Variants in BPTF observed in about 807,000 individuals in gnomAD.
BPTF encodes the protein nucleosome-remodeling factor subunit BPTF.
In BPTF, 18 loss-of-function variants were observed where a neutral mutation model predicts 292.5. The ratio of observed to expected loss-of-function variants is 0.06; its 90% CI spans 0.04 to 0.09. The LOEUF (loss-of-function observed/expected upper bound fraction) is 0.09, where lower values mean the gene tolerates loss of function less well. BPTF is among the 10% of genes least tolerant of loss of function. The probability of loss-of-function intolerance (pLI) is 1.00; values close to 1 mark genes in which losing one functional copy is unlikely to be tolerated. For missense variants in BPTF, 2,726 were observed against 3,498.7 expected, an observed-to-expected ratio of 0.78 and a Z score of 5.57; for synonymous variants, 1,225 against 1,251.9, an observed-to-expected ratio of 0.98 and a Z score of 0.45.
At chr17:67,856,682 A>G (rs1411506391) in intron 2 of BPTF, among the ~76,000 whole-genome samples, 1 of 152,094 alleles carries the variant, frequency 6.6e-6, no homozygotes, top group Non-Finnish European at 1.5e-5. Context: ...AATGGCATGG[A>G]AGGGCCTTTT....
In BPTF at chr17:67,825,607, CCGGGCCCCTCCCGCCCGGCCCCG is replaced by C. The variant is rs2055911408; in HGVS notation, c.-111_-89del. On this transcript the variant is annotated 5_prime_UTR_variant, in exon 1 of 28. Transcript: ENST00000306378. The stretch of plus-strand genomic sequence containing the variant: ...TTCTCCCTCCACCCGCTTCCGTCGG[CCGGGCCCCTCCCGCCCGGCCCCG>C]CGGGCCTCCCCACCCGGCCCCGGCG... 1 of 341,300 alleles carries C rather than the reference CCGGGCCCCTCCCGCCCGGCCCCG, an allele frequency of 2.9e-6. No homozygotes were observed. Among genetic ancestry groups the C allele is most frequent in the Non-Finnish European group, 5.7e-6 (1 of 174,322 alleles). 21.1% of individuals were successfully genotyped at this position (341,300 alleles called of 1,614,324 possible).
chr17:67,973,054 T>TTATATATATATAAATATATATATAA (rs2068960497), intron 26 of BPTF, among the ~76,000 whole-genome samples: 2 of 144,446 alleles, frequency 1.4e-5, no homozygotes, highest in African/African-American at 2.5e-5. Context: ...TATATATATT[T>TTATATATATATAAATATATATATAA]TATATATATA....
chr17:67,872,175 A>T (rs934224585), intron 3 of BPTF, among the ~76,000 whole-genome samples: 1 of 152,034 alleles, frequency 6.6e-6, no homozygotes, highest in African/African-American at 2.4e-5. Flanking sequence ...AGTTTTTTGA[A>T]CCTAAAACTT....
At chr17:67,844,626 C>T (rs1280908734) in intron 1 of BPTF, among the ~76,000 whole-genome samples, 3 of 150,496 alleles carry the variant, frequency 2.0e-5, no homozygotes, top group Non-Finnish European at 1.5e-5. Context: ...GGCTCAAACT[C>T]CTGAGCTCAG....
At position 67,918,814 on chromosome 17, in the gene BPTF, C is replaced by G. The variant is rs761085604; in HGVS notation, c.5404C>G (p.Pro1802Ala). The change falls in exon 12 of 28, where the codon CCA becomes GCA. Residue 1802 changes from proline (P) to alanine (A), a missense_variant. Around this residue, in one of 22 missense-constraint regions of BPTF, gnomAD observed 198 missense variants for 277.1 expected, o/e 0.71. Coordinates refer to ENST00000306378, the MANE Select transcript of BPTF (RefSeq NM_182641.4). ...RWDDMAAKAP[P>A]GGGTTRTETS... Reference sequence around the variant, plus strand: ...GGATGATATGGCGGCCAAGGCTCCTCCAGGAGGAGGGACTACACGGACAGG... The same window carrying G: ...GGATGATATGGCGGCCAAGGCTCCTGCAGGAGGAGGGACTACACGGACAGG... 6 of 1,613,418 alleles carry G rather than the reference C, an allele frequency of 3.7e-6. No individual in the cohort carries two copies. The highest frequency in any genetic ancestry group is 1.6e-4 in the Middle Eastern group (1 of 6,078).
At chr17:67,904,957 C>T in intron 9 of BPTF, 117 bp downstream of exon 9, 1 of 778,862 alleles carries the variant, frequency 1.3e-6, no homozygotes, top group Non-Finnish European at 1.9e-6. Flanking sequence ...TTTATTCGTA[C>T]TGCAGAATTA....
At chr17:67,897,218 G>C (rs1170950290) in intron 7 of BPTF, among the ~76,000 whole-genome samples, 1 of 151,310 alleles carries the variant, frequency 6.6e-6, no homozygotes, top group Non-Finnish European at 1.5e-5. Context: ...GCACATGCCT[G>C]TAATCCCAGC....
chr17:67,954,479 G>A (rs782151775), intron 23 of BPTF, among the ~76,000 whole-genome samples: 11 of 152,046 alleles, frequency 7.2e-5, no homozygotes, highest in Non-Finnish European at 1.5e-4. Flanking sequence ...ACAGGGAGCC[G>A]GCTCTTATCA....
chr17:67,976,375 A>G (rs1555693937), intron 27 of BPTF, among the ~76,000 whole-genome samples: 1 of 152,196 alleles, frequency 6.6e-6, no homozygotes, highest in East Asian at 1.9e-4. Context: ...TGGGAGGCCG[A>G]GGCACAAGAA....
In BPTF at chr17:67,918,762, A is replaced by G. The variant is rs777566006; in HGVS notation, c.5352A>G (p.Leu1784=). 6.2e-7 allele frequency: 1 copy of G among 1,613,850 alleles called. No homozygotes were observed. The highest frequency in any genetic ancestry group is 1.1e-5 in the South Asian group (1 of 91,076). ...CCTTAGCTGGAGTGAGCCTGATGTT[A>G]CGGTTACTGTGGGCAAGTTTGAGAT... ...VKSLAGVSLM[L]RLLWASLRWD... The change falls in exon 12 of 28, where the codon TTA becomes TTG. Residue 1784 remains leucine, a synonymous_variant. Coordinates refer to ENST00000306378, the MANE Select transcript of BPTF (RefSeq NM_182641.4).
intron 27 of BPTF, chr17:67,976,188 A>C: frequency 3.2e-6 from 1 of 307,694 alleles, no homozygotes; most frequent in Non-Finnish European, 5.8e-6. Context: ...AAATTCAAGA[A>C]GTGGCCGGGC....
At chr17:67,947,978 C>T in intron 22 of BPTF, 103 bp from the exon 23 acceptor site, 3 of 1,312,524 alleles carry the variant, frequency 2.3e-6, no homozygotes, top group Non-Finnish European at 1.1e-6. Flanking sequence ...GTTTTCCAGT[C>T]ACAGAAAGTT....
intron 25 of BPTF, chr17:67,965,755 A>G (rs182006649): frequency 6.6e-6 from 1 of 150,998 alleles, no homozygotes; most frequent in Admixed American, 6.6e-5. Context: ...CAAGTGATAC[A>G]GATGTACTGA....
intron 4 of BPTF, among the ~76,000 whole-genome samples, chr17:67,885,470 G>C (rs2060690092): frequency 6.6e-6 from 1 of 152,170 alleles, no homozygotes; most frequent in African/African-American, 2.4e-5. Context: ...CCTGACTGTA[G>C]TCCCAGCTAC....
rs138011827 is a variant in BPTF at position 67,853,595 on chromosome 17, TTTATTA to T, written c.614-327_614-322del. On this transcript the variant is annotated intron_variant, in intron 1 of 27. Coordinates refer to ENST00000306378, the MANE Select transcript of BPTF (RefSeq NM_182641.4). ...GTCAAATCATTCACAAATGCAGTTA[TTTATTA>T]TTATTATTATTATTATTTCCTTAGA... Among the ~76,000 whole-genome samples, 341 of 151,226 alleles carry T rather than the reference TTTATTA, an allele frequency of 2.3e-3. 4 individuals carry two copies. The highest frequency in any genetic ancestry group is 7.4e-3 in the African/African-American group (305 of 41,054).
chr17:67,971,327 C>T (rs62086042), intron 26 of BPTF, among the ~76,000 whole-genome samples: 90,922 of 151,444 alleles, frequency 0.6, 29,310 homozygotes, highest in Non-Finnish European at 0.72. Flanking sequence ...GATCCACCTG[C>T]CTTGCCCTCC....
chr17:67,976,060 C>T (rs2069368029), intron 27 of BPTF, 102 bp downstream of exon 27: 1 of 811,860 alleles, frequency 1.2e-6, no homozygotes, highest in South Asian at 3.1e-5. Context: ...TAAATTTAAC[C>T]TTAAATATCT....
rs2070525848 is a variant in BPTF, at chr17:67,982,392, CTT to C, written c.*105_*106del. 9.0e-7 allele frequency: 1 copy of C among 1,115,692 alleles called. No homozygotes were observed. The highest frequency in any genetic ancestry group is 1.3e-6 in the Non-Finnish European group (1 of 762,020). The allele number at this position is 1,115,692 out of a possible 1,614,324, so 69.1% of individuals were successfully genotyped here. ...TTTTAGTCAGGCTATCCTGACAAGA[CTT>C]GACCTAAACTTCGTTTTTATTGGTC... On this transcript the variant is annotated 3_prime_UTR_variant, in exon 28 of 28. Coordinates refer to ENST00000306378, the MANE Select transcript of BPTF (RefSeq NM_182641.4).
intron 15 of BPTF, 85 bp downstream of exon 15, chr17:67,924,674 G>T: frequency 1.4e-6 from 2 of 1,476,734 alleles, no homozygotes; most frequent in South Asian, 1.2e-5. Flanking sequence ...CCATCAGCAG[G>T]GGGAGTTGGT....
Sources: allele counts gnomAD v4.1 joint callset (sites outside exome capture counted in the v4.1 genomes callset), GRCh38; gene constraint gnomAD v4.1.1; regional missense constraint gnomAD v4.1.1; transcripts MANE v1.5; gene names NCBI Gene and HGNC (gene_info 2026-07-23, HGNC 2026-07-21).